The following SLAMF8 variants were observed in gnomAD, a reference collection of about 807,000 sequenced individuals.
SLAMF8 encodes the protein SLAM family member 8.
SLAMF8 carries 23 observed loss-of-function variants against 29.0 expected under a neutral mutation model. The ratio of observed to expected loss-of-function variants is 0.79; its 90% CI spans 0.57 to 1.13. The LOEUF (loss-of-function observed/expected upper bound fraction) is 1.13. Ranked by LOEUF, SLAMF8 falls within the 50% of genes most tolerant of loss-of-function variation. The probability of loss-of-function intolerance (pLI) is 0.00; values close to 1 mark genes in which losing one functional copy is unlikely to be tolerated. For missense variants in SLAMF8, 381 were observed against 353.1 expected (o/e 1.08, Z -0.63); for synonymous variants, 139 against 145.6 (o/e 0.96, Z 0.32).
In SLAMF8 at chr1:159,829,527, T is replaced by C. The variant is rs1647315831; in HGVS notation, c.41-339T>C. Among the ~76,000 whole-genome samples, 3 of 152,222 alleles carry C rather than the reference T, an allele frequency of 2.0e-5. No individual in the cohort carries two copies. In the South Asian group the frequency reaches 6.2e-4, roughly 31 times the overall value. ...TCCCATTCCTCTTCAAGGCTCAGCT[T>C]AACAATTTGTTTTCTGAGCCCATCA... On this transcript the variant is annotated intron_variant, in intron 1 of 4. Transcript: ENST00000289707.
intron 2 of SLAMF8, among the ~76,000 whole-genome samples, chr1:159,831,538 T>G (rs1647488914): frequency 6.8e-6 from 1 of 147,484 alleles, no homozygotes; most frequent in Admixed American, 6.9e-5. Context: ...CAGGCAGCCC[T>G]GGAGCCCCTC....
Position 159,837,221 on chromosome 1 carries a change from T to C in SLAMF8, c.*1961T>C. ...AGGGCCTTGTTGAACAGATCCACAC[T>C]GCTCTAATAAAGTTCCCATCCTTAA... On this transcript the variant is annotated 3_prime_UTR_variant, in exon 5 of 5. Transcript: ENST00000289707. 2.0e-6 allele frequency: 2 copies of C among 985,492 alleles called. No individual in the cohort carries two copies. The highest frequency in any genetic ancestry group is 4.7e-5 in the South Asian group (1 of 21,286). The allele number at this position is 985,492 out of a possible 1,614,324, so 61.0% of individuals were successfully genotyped here. A position where few individuals can be genotyped will look rare whatever the true frequency, so the allele number is the denominator to read the frequency against.
intron 1 of SLAMF8, among the ~76,000 whole-genome samples, chr1:159,829,589 C>A (rs1647318706): frequency 6.6e-6 from 1 of 152,238 alleles, no homozygotes; most frequent in Non-Finnish European, 1.5e-5. Context: ...TACCTGTGTT[C>A]TCCCAGGGCA....
rs903420861 is a variant in SLAMF8, at chr1:159,837,193, A to T, written c.*1933A>T. On this transcript the variant is annotated 3_prime_UTR_variant, in exon 5 of 5. Transcript: ENST00000289707. ...TCGACAGTGGTTTGTAGCGTGGTGCACCAGGGCCTTGTTGAACAGATCCAC... is the reference window on the plus strand; with the variant it reads ...TCGACAGTGGTTTGTAGCGTGGTGCTCCAGGGCCTTGTTGAACAGATCCAC... 2.9e-5 allele frequency: 29 copies of T among 985,404 alleles called. No homozygotes were observed. In the African/African-American group the frequency reaches 4.2e-4, roughly 14 times the overall value. The allele number at this position is 985,404 out of a possible 1,614,324, so 61.0% of individuals were successfully genotyped here.
intron 1 of SLAMF8, among the ~76,000 whole-genome samples, chr1:159,827,141 G>A (rs936576089): frequency 1.1e-4 from 16 of 152,196 alleles, no homozygotes; most frequent in Admixed American, 2.0e-4. Context: ...GAGGGAGGAG[G>A]TGGCAGCTTG....
chr1:159,827,755 A>G (rs1157304140), intron 1 of SLAMF8, among the ~76,000 whole-genome samples: 1 of 152,154 alleles, frequency 6.6e-6, no homozygotes, highest in Admixed American at 6.5e-5. Context: ...GATTTCTTCA[A>G]TATTTCTAAA....
chr1:159,836,684 C>T lies in SLAMF8; in HGVS notation c.*1424C>T. 1.0e-6 allele frequency: 1 copy of T among 985,520 alleles called. No homozygotes were observed. The highest frequency in any genetic ancestry group is 4.7e-5 in the South Asian group (1 of 21,288). The allele number at this position is 985,520 out of a possible 1,614,324, so 61.0% of individuals were successfully genotyped here. A position where few individuals can be genotyped will look rare whatever the true frequency, so the allele number is the denominator to read the frequency against. On this transcript the variant is annotated 3_prime_UTR_variant, in exon 5 of 5. Transcript: ENST00000289707. The stretch of plus-strand genomic sequence containing the variant: ...CTTCTCCCCAGTTCCTGGGCAATCA[C>T]TTCACCTTGGACAAAGGATCAGCAC...
In SLAMF8 at chr1:159,833,303, G is replaced by A. The variant is rs1468558770; in HGVS notation, c.715G>A (p.Val239Met). ...CTACAAAGATGTGCTGCTGGTGGTG[G>A]TGCCTGTCTCGCTGCTCCTGATGCT... The part of the protein sequence containing the change: ...ASYKDVLLVV[V>M]PVSLLLMLVT... The change falls in exon 4 of 5, where the codon GTG becomes ATG. Residue 239 changes from valine to methionine, a missense_variant. Transcript: ENST00000289707. 6.2e-7 allele frequency: 1 copy of A among 1,614,206 alleles called. No individual in the cohort carries two copies. Among genetic ancestry groups the A allele is most frequent in the Non-Finnish European group, 8.5e-7 (1 of 1,180,030 alleles).
Position 159,835,560 on chromosome 1 carries a change from T to C in SLAMF8, c.*300T>C, listed in dbSNP as rs1647866294. 8.6e-7 allele frequency: 1 copy of C among 1,156,320 alleles called. No individual in the cohort carries two copies. The highest frequency in any genetic ancestry group is 1.1e-6 in the Non-Finnish European group (1 of 937,796). The allele number at this position is 1,156,320 out of a possible 1,614,324, so 71.6% of individuals were successfully genotyped here. A position where few individuals can be genotyped will look rare whatever the true frequency, so the allele number is the denominator to read the frequency against. On this transcript the variant is annotated 3_prime_UTR_variant, in exon 5 of 5. Coordinates refer to ENST00000289707, the MANE Select transcript of SLAMF8 (RefSeq NM_020125.3). ...GGAAGTTCTCCAGGATCCAGATCCA[T>C]GGGGACATTAATAGTCCAAGGCATT...
rs201772591 is a variant in SLAMF8, at chr1:159,830,017, C to T, written c.192C>T (p.Phe64=). 2 of 1,614,242 alleles carry T rather than the reference C, an allele frequency of 1.2e-6. No individual in the cohort carries two copies. Among genetic ancestry groups the T allele is most frequent in the Admixed American group, 1.7e-5 (1 of 60,032 alleles). ...CAGAAGAGCTCCTGGCCACGTTTTT[C>T]CGAGGCTCCCTGGAGACTCTGTACC... ...WPSEELLATF[F]RGSLETLYHS... Residue 64 remains phenylalanine (F), a synonymous_variant, in exon 2 of 5, where the codon TTC becomes TTT. Transcript: ENST00000289707.
chr1:159,828,471 A>G (rs1253759115), intron 1 of SLAMF8, among the ~76,000 whole-genome samples: 1 of 152,178 alleles, frequency 6.6e-6, no homozygotes. Flanking sequence ...TGTCTCATTG[A>G]CCAAAACTTC....
In SLAMF8 at chr1:159,830,316, G is replaced by A. The variant is rs371412178; in HGVS notation, c.367+124G>A. The A allele has an allele frequency of 6.7e-4, 705 of 1,053,914 alleles. 1 individual carries two copies. Among genetic ancestry groups the A allele is most frequent in the Non-Finnish European group, 7.7e-4 (582 of 758,254 alleles). The allele number at this position is 1,053,914 out of a possible 1,614,324, so 65.3% of individuals were successfully genotyped here. ...AGCTCTGGTCTCTGACCATGTTGCC[G>A]ACTCAGGGAACAGCTGCTCCCTGGC... is the stretch of plus-strand genomic sequence containing the variant. On this transcript the variant is annotated intron_variant, in intron 2 of 4. Coordinates refer to ENST00000289707, the MANE Select transcript of SLAMF8 (RefSeq NM_020125.3).
intron 4 of SLAMF8, chr1:159,834,953 C>A: frequency 4.1e-6 from 2 of 483,802 alleles, no homozygotes; most frequent in Non-Finnish European, 7.3e-6. Context: ...CTTTCCATAC[C>A]TTCTACAATT....
At chr1:159,832,118 C>T (rs1263917519) in intron 2 of SLAMF8, among the ~76,000 whole-genome samples, 2 of 152,142 alleles carry the variant, frequency 1.3e-5, no homozygotes, top group African/African-American at 4.8e-5. Context: ...ATGGCTAGGA[C>T]ACCAGGATAT....
rs1284383895 is a variant in SLAMF8, at chr1:159,833,245, C to T, written c.674-17C>T. Reference sequence around the variant, plus strand: ...GAAGCATCAAGTCCACCTCTAACCCCACCCCTCCATGTTCAGCACCAGGGA... The same window carrying T: ...GAAGCATCAAGTCCACCTCTAACCCTACCCCTCCATGTTCAGCACCAGGGA... On this transcript the variant is annotated splice_polypyrimidine_tract_variant and intron_variant, in intron 3 of 4. Coordinates refer to ENST00000289707, the MANE Select transcript of SLAMF8 (RefSeq NM_020125.3). 6.2e-7 allele frequency: 1 copy of T among 1,614,042 alleles called. No individual in the cohort carries two copies. Among genetic ancestry groups the T allele is most frequent in the African/African-American group, 1.3e-5 (1 of 74,930 alleles).
rs1647900551 is a variant in SLAMF8 at position 159,835,994 on chromosome 1, T to A, written c.*734T>A. 2 of 985,336 alleles carry A rather than the reference T, an allele frequency of 2.0e-6. No individual in the cohort carries two copies. The highest frequency in any genetic ancestry group is 1.2e-4 in the Admixed American group (2 of 16,252). The allele number at this position is 985,336 out of a possible 1,614,324, so 61.0% of individuals were successfully genotyped here. ...ACATCCTCACCATCTCCATCCGCTC[T>A]CACGCCTCCTGCAGGATCTGGGAGT... is the stretch of plus-strand genomic sequence containing the variant. On this transcript the variant is annotated 3_prime_UTR_variant, in exon 5 of 5. Coordinates refer to ENST00000289707, the MANE Select transcript of SLAMF8 (RefSeq NM_020125.3).
intron 4 of SLAMF8, chr1:159,834,943 C>T: frequency 2.2e-6 from 1 of 456,832 alleles, no homozygotes; most frequent in Non-Finnish European, 3.9e-6. Flanking sequence ...ACAGTCCTAA[C>T]TTTCCATACC....
At chr1:159,828,677 A>G (rs139294846) in intron 1 of SLAMF8, among the ~76,000 whole-genome samples, 6 of 152,304 alleles carry the variant, frequency 3.9e-5, no homozygotes, top group African/African-American at 1.4e-4. Context: ...ATAAACAGGC[A>G]ATAAGAATAG....
At chr1:159,833,872 C>A (rs976016563) in intron 4 of SLAMF8, among the ~76,000 whole-genome samples, 1 of 152,162 alleles carries the variant, frequency 6.6e-6, no homozygotes, top group African/African-American at 2.4e-5. Flanking sequence ...TCAGTGGTTC[C>A]CAGAACACAA....
Sources: gnomAD v4.1 joint callset for allele counts (sites outside exome capture counted in the v4.1 genomes callset) on GRCh38, gnomAD v4.1.1 for gene constraint, MANE v1.5 for transcripts, NCBI Gene and HGNC (gene_info 2026-07-23, HGNC 2026-07-21) for gene names.